OCM: variants seen among roughly 807,000 people sequenced by gnomAD.
OCM encodes oncomodulin.
OCM carries 18 observed loss-of-function variants against 14.1 expected under a neutral mutation model. The observed-to-expected ratio is 1.28, with a 90% CI of 0.88 to 1.89. The LOEUF is 1.89. Ranked by LOEUF, OCM falls within the 40% of genes most tolerant of loss-of-function variation. The probability of loss-of-function intolerance (pLI) is 0.00; values close to 1 mark genes in which losing one functional copy is unlikely to be tolerated. For synonymous variants in OCM, 48 were observed against 51.0 expected, an observed-to-expected ratio of 0.94 and a Z score of 0.25; for missense variants, 140 against 137.6, an observed-to-expected ratio of 1.02 and a Z score of -0.09.
At chr7:5,860,658 A>G in the OCM span, among the ~76,000 whole-genome samples, 2 of 89,974 alleles carry the variant, frequency 2.2e-5, 1 homozygote, top group African/African-American at 1.1e-4. Flanking sequence ...TATATATATT[A>G]CGTATATATA....
At chr7:5,868,194 T>G in the OCM span, among the ~76,000 whole-genome samples, 2 of 152,156 alleles carry the variant, frequency 1.3e-5, no homozygotes, top group Admixed American at 6.5e-5. Flanking sequence ...CTACCAAGGC[T>G]GGAATGCAGT....
the OCM span, among the ~76,000 whole-genome samples, chr7:5,871,513 G>A: frequency 6.6e-5 from 10 of 151,994 alleles, no homozygotes; most frequent in Non-Finnish European, 1.5e-4. Flanking sequence ...TTTTCATCAC[G>A]GGGATAATAA....
At chr7:5,860,718 A>G in the OCM span, among the ~76,000 whole-genome samples, 1 of 140,250 alleles carries the variant, frequency 7.1e-6, no homozygotes, top group African/African-American at 2.6e-5. Flanking sequence ...ACGTGTATAT[A>G]TACGTGTATA....
chr7:5,867,887 C>T, the OCM span, among the ~76,000 whole-genome samples: 1 of 151,736 alleles, frequency 6.6e-6, no homozygotes, highest in Non-Finnish European at 1.5e-5. Context: ...TAGCTGGGAC[C>T]ACCACACCTG....
the OCM span, among the ~76,000 whole-genome samples, chr7:5,860,708 A>G: frequency 7.2e-6 from 1 of 139,246 alleles, no homozygotes; most frequent in African/African-American, 2.7e-5. Flanking sequence ...ACGTATATAT[A>G]CGTGTATATA....
At chr7:5,868,129 C>T in the OCM span, among the ~76,000 whole-genome samples, 3 of 152,024 alleles carry the variant, frequency 2.0e-5, no homozygotes, top group African/African-American at 7.2e-5. Flanking sequence ...TCTTCTCTAG[C>T]TTCACTGTGT....
chr7:5,863,457 C>T, the OCM span, among the ~76,000 whole-genome samples: 2 of 151,364 alleles, frequency 1.3e-5, no homozygotes, highest in Non-Finnish European at 2.9e-5. Flanking sequence ...GAGTGACGTG[C>T]TTGAGAGGGT....
At chr7:5,871,574 C>G in the OCM span, among the ~76,000 whole-genome samples, 7 of 152,080 alleles carry the variant, frequency 4.6e-5, no homozygotes, top group Non-Finnish European at 1.0e-4. Context: ...TATTCGTGAA[C>G]TGGGCAATGT....
intron 2 of OCM, among the ~76,000 whole-genome samples, chr7:5,883,647 A>G (rs1272525690): frequency 3.2e-5 from 2 of 62,828 alleles, no homozygotes; most frequent in Admixed American, 2.7e-4. Flanking sequence ...TGATGGTATC[A>G]CTGCATTCCA....
At chr7:5,884,749 A>G (rs2099917511) in intron 3 of OCM, among the ~76,000 whole-genome samples, 1 of 151,742 alleles carries the variant, frequency 6.6e-6, no homozygotes, top group African/African-American at 2.4e-5. Context: ...TTATACCACT[A>G]TCGCTTACTA....
At chr7:5,883,485 A>G (rs1781267892) in intron 2 of OCM, among the ~76,000 whole-genome samples, 1 of 152,146 alleles carries the variant, frequency 6.6e-6, no homozygotes, top group Non-Finnish European at 1.5e-5. Flanking sequence ...GGGGTTCCAG[A>G]CCAGTCTGGG....
chr7:5,860,518 AT>A, the OCM span, among the ~76,000 whole-genome samples: 1 of 96,874 alleles, frequency 1.0e-5, no homozygotes, highest in Non-Finnish European at 2.1e-5. Context: ...ATATACGTGT[AT>A]ATATACGTGT....
At chr7:5,864,236 G>T in the OCM span, among the ~76,000 whole-genome samples, 23,925 of 151,252 alleles carry the variant, frequency 0.16, 2,080 homozygotes, top group East Asian at 0.33. Flanking sequence ...CTCCTGGTTG[G>T]GGGGGATGCT....
At chr7:5,868,152 A>G in the OCM span, among the ~76,000 whole-genome samples, 3 of 151,678 alleles carry the variant, frequency 2.0e-5, no homozygotes, top group East Asian at 5.8e-4. Context: ...TGTTGTCGCT[A>G]TTGTTTTGTT....
At chr7:5,863,162 A>C in the OCM span, among the ~76,000 whole-genome samples, 1 of 152,124 alleles carries the variant, frequency 6.6e-6, no homozygotes. Flanking sequence ...GAGCCTTGGG[A>C]GAATGGGACC....
the OCM span, among the ~76,000 whole-genome samples, chr7:5,868,477 C>G: frequency 6.6e-6 from 1 of 152,076 alleles, no homozygotes; most frequent in Non-Finnish European, 1.5e-5. Flanking sequence ...CTTTTCTTCC[C>G]CCAACAATGC....
At position 5,886,121 on chromosome 7, in the gene OCM, G is replaced by A. The variant is rs777451032; in HGVS notation, c.*32G>A. Reference sequence around the variant, plus strand: ...CAGTCTCTGGAGAAAAGAGAGAAAGGGATAATCACCTGGAAGGATTCCAAA... The same window carrying A: ...CAGTCTCTGGAGAAAAGAGAGAAAGAGATAATCACCTGGAAGGATTCCAAA... On this transcript the variant is annotated 3_prime_UTR_variant, in exon 4 of 4. Coordinates refer to ENST00000242104, the MANE Select transcript of OCM (RefSeq NM_001097622.2). The A allele has an allele frequency of 6.2e-7, 1 of 1,601,182 alleles. No homozygotes were observed. The highest frequency in any genetic ancestry group is 8.6e-7 in the Non-Finnish European group (1 of 1,168,412).
the OCM span, among the ~76,000 whole-genome samples, chr7:5,862,733 A>T: frequency 3.3e-5 from 5 of 151,864 alleles, no homozygotes; most frequent in Non-Finnish European, 1.5e-5. Flanking sequence ...AATGCATCAC[A>T]GACTCTACTC....
chr7:5,883,677 A>T (rs1583172178), intron 2 of OCM, among the ~76,000 whole-genome samples: 1 of 98,306 alleles, frequency 1.0e-5, no homozygotes, highest in African/African-American at 4.3e-5. Context: ...ACAGAGCAAG[A>T]CCCTGTCTCA....
Sources: allele counts gnomAD v4.1 joint callset (sites outside exome capture counted in the v4.1 genomes callset), GRCh38; gene constraint gnomAD v4.1.1; transcripts MANE v1.5; gene names NCBI Gene and HGNC (gene_info 2026-07-23, HGNC 2026-07-21).